IGF1R: variants seen among roughly 807,000 people sequenced by gnomAD.
IGF1R encodes the protein insulin like growth factor 1 receptor.
IGF1R carries 44 observed loss-of-function variants against 144.6 expected under a neutral mutation model. That is an observed-to-expected ratio of 0.30 (90% CI 0.24 to 0.39). The LOEUF (loss-of-function observed/expected upper bound fraction) is 0.39. IGF1R is among the 10% of genes least tolerant of loss of function. The pLI is 1.00. For missense variants in IGF1R, 1,355 were observed against 1,833.7 expected (o/e 0.74, Z 4.77); for synonymous variants, 795 against 722.8 (o/e 1.10, Z -1.60).
Position 98,771,462 on chromosome 15 carries a change from T to C in IGF1R, c.640+63355T>C, listed in dbSNP as rs140562318. ...GTGCAGATATGTGTGCTTACACATGTGGACGTATTTGAGGAGGTAAGAGGG... is the reference window on the plus strand; with the variant it reads ...GTGCAGATATGTGTGCTTACACATGCGGACGTATTTGAGGAGGTAAGAGGG... On this transcript the variant is annotated intron_variant, in intron 2 of 20. Transcript: ENST00000650285. 1.6e-3 allele frequency among the ~76,000 whole-genome samples: 245 copies of C among 152,312 alleles called. 4 individuals are homozygous for C. Among genetic ancestry groups the C allele is most frequent in the African/African-American group, 5.5e-3 (229 of 41,560 alleles).
At chr15:98,894,607 A>C (rs979691819) in intron 3 of IGF1R, among the ~76,000 whole-genome samples, 2 of 152,244 alleles carry the variant, frequency 1.3e-5, no homozygotes, top group Non-Finnish European at 1.5e-5. Context: ...CAACATCCTC[A>C]AAATGACAGA....
rs2013919722 is a variant in IGF1R at position 98,891,566 on chromosome 15, G to C, written c.882G>C (p.Glu294Asp). Residue 294 changes from glutamate to aspartate, a missense_variant, in exon 3 of 21, where the codon GAG (glutamate) becomes GAC (aspartate). Physicochemically the swap from Glu to Asp is conservative, Grantham distance 45. This residue lies in a region of IGF1R where 880 missense variants were observed against 1,202.7 expected (regional missense o/e 0.73). Coordinates refer to ENST00000650285, the MANE Select transcript of IGF1R (RefSeq NM_000875.5). This position sits in a 1 kb window ranked among gnomAD's most constrained non-coding sequence, Gnocchi z 4.7. ...TCAGCGCCGAGAGCAGCGACTCCGAGGGGTTTGTGATCCACGACGGCGAGT... is the reference window on the plus strand; with the variant it reads ...TCAGCGCCGAGAGCAGCGACTCCGACGGGTTTGTGATCCACGACGGCGAGT... ...NILSAESSDS[E>D]GFVIHDGECM... is the part of the protein sequence containing the mutation. 6.2e-7 allele frequency: 1 copy of C among 1,608,716 alleles called. No individual in the cohort carries two copies. The highest frequency in any genetic ancestry group is 8.5e-7 in the Non-Finnish European group (1 of 1,180,008).
chr15:98,885,117 C>A (rs2013574904), intron 2 of IGF1R, among the ~76,000 whole-genome samples: 3 of 152,200 alleles, frequency 2.0e-5, no homozygotes, highest in Admixed American at 2.0e-4. Flanking sequence ...GGCAGGCAGC[C>A]CTAAGCTACC....
intron 2 of IGF1R, among the ~76,000 whole-genome samples, chr15:98,723,000 G>A (rs2054278597): frequency 6.6e-6 from 1 of 151,966 alleles, no homozygotes; most frequent in Non-Finnish European, 1.5e-5. Context: ...CAACACCCAT[G>A]TCATGATTTT....
intron 1 of IGF1R, among the ~76,000 whole-genome samples, chr15:98,691,872 C>T (rs1240642335): frequency 1.3e-5 from 2 of 152,128 alleles, no homozygotes; most frequent in Admixed American, 6.5e-5. Flanking sequence ...AGTCACTGTT[C>T]AGAGGTTATA....
intron 2 of IGF1R, among the ~76,000 whole-genome samples, chr15:98,794,577 A>G (rs990652472): frequency 1.3e-5 from 2 of 152,222 alleles, no homozygotes; most frequent in Admixed American, 1.3e-4. Context: ...AACTGTCTCC[A>G]TTAGGTAAGT....
At chr15:98,826,988 C>T (rs1044777191) in intron 2 of IGF1R, among the ~76,000 whole-genome samples, 6 of 152,202 alleles carry the variant, frequency 3.9e-5, no homozygotes, top group African/African-American at 1.4e-4. Context: ...TCCCACTAAA[C>T]ACTCTCCTTA....
intron 2 of IGF1R, among the ~76,000 whole-genome samples, chr15:98,733,159 TG>T (rs749025254): frequency 7.2e-5 from 11 of 152,156 alleles, no homozygotes; most frequent in Non-Finnish European, 1.3e-4. Context: ...ATCCGAGGAT[TG>T]GGTCTGAAGG....
In IGF1R at chr15:98,959,201, A is replaced by G. The variant is rs953545837; in HGVS notation, c.*1759A>G. 1.7e-5 allele frequency: 4 copies of G among 233,266 alleles called. No homozygotes were observed. Among genetic ancestry groups the G allele is most frequent in the Non-Finnish European group, 3.4e-5 (4 of 117,954 alleles). 14.4% of individuals were successfully genotyped at this position (233,266 alleles called of 1,614,324 possible). On this transcript the variant is annotated 3_prime_UTR_variant, in exon 21 of 21. Transcript: ENST00000650285. ...TGCTTAGGTTGTGACACACATATAT[A>G]TATATTTTTTTAATTCTTGGGTACA...
In IGF1R at chr15:98,958,567, T is replaced by G. The variant is rs1596496253; in HGVS notation, c.*1125T>G. On this transcript the variant is annotated 3_prime_UTR_variant, in exon 21 of 21. Transcript: ENST00000650285. ...AAGCATTCTAAGCTTTGTTGACATT[T>G]TCTCTGTTCCTAGGACTTCTTCATG... 1 of 232,982 alleles carries G rather than the reference T, an allele frequency of 4.3e-6. No homozygotes were observed. Among genetic ancestry groups the G allele is most frequent in the East Asian group, 6.0e-5 (1 of 16,536 alleles). 14.4% of individuals were successfully genotyped at this position (232,982 alleles called of 1,614,324 possible).
At chr15:98,650,284 C>T (rs1357667627) in intron 1 of IGF1R, among the ~76,000 whole-genome samples, 1 of 152,204 alleles carries the variant, frequency 6.6e-6, no homozygotes, top group Non-Finnish European at 1.5e-5. Context: ...CGTGCTTTTG[C>T]CCCTCGGGCT....
At chr15:98,927,355 C>G (rs562126927) in intron 13 of IGF1R, among the ~76,000 whole-genome samples, 5 of 152,324 alleles carry the variant, frequency 3.3e-5, no homozygotes, top group African/African-American at 1.2e-4. Flanking sequence ...TTTAGGAACT[C>G]CTTGTGTGCC....
chr15:98,952,978 C>T (rs540563189), intron 20 of IGF1R: 1 of 152,262 alleles, frequency 6.6e-6, no homozygotes, highest in South Asian at 2.1e-4. Context: ...TACTGATGAG[C>T]TTACCTGAGA....
intron 1 of IGF1R, among the ~76,000 whole-genome samples, chr15:98,696,237 C>T (rs1207838257): frequency 6.6e-6 from 1 of 151,998 alleles, no homozygotes; most frequent in African/African-American, 2.4e-5. Context: ...GTGTATTTGC[C>T]ATTGCTCCTG....
At chr15:98,790,072 C>G (rs1381755016) in intron 2 of IGF1R, among the ~76,000 whole-genome samples, 1 of 152,184 alleles carries the variant, frequency 6.6e-6, no homozygotes, top group Non-Finnish European at 1.5e-5. Context: ...TCAAGTGGCT[C>G]TGTTCCACTT....
At chr15:98,808,829 A>T (rs2056523634) in intron 2 of IGF1R, among the ~76,000 whole-genome samples, 1 of 152,148 alleles carries the variant, frequency 6.6e-6, no homozygotes, top group African/African-American at 2.4e-5. Context: ...ACAGGTGTGC[A>T]CCACCATGTC....
intron 1 of IGF1R, among the ~76,000 whole-genome samples, chr15:98,679,710 A>G (rs2053140536): frequency 6.6e-6 from 1 of 152,160 alleles, no homozygotes; most frequent in Admixed American, 6.5e-5. Flanking sequence ...TACTCCTTAT[A>G]CTTATTAAAC....
At chr15:98,843,082 T>G (rs1044564112) in intron 2 of IGF1R, among the ~76,000 whole-genome samples, 1 of 152,228 alleles carries the variant, frequency 6.6e-6, no homozygotes, top group Non-Finnish European at 1.5e-5. Flanking sequence ...AAGTTGTGCC[T>G]CTTGTTTGCT....
In IGF1R at chr15:98,913,292, C is replaced by CCTGT; in HGVS notation, c.1828+12_1828+13insGTCT. The CCTGT allele has an allele frequency of 6.3e-7, 1 of 1,596,740 alleles. No homozygotes were observed. The highest frequency in any genetic ancestry group is 1.1e-5 in the South Asian group (1 of 90,742). On this transcript the variant is annotated intron_variant, in intron 8 of 20. Coordinates refer to ENST00000650285, the MANE Select transcript of IGF1R (RefSeq NM_000875.5). ...CGCACCAATGCTTCAGGTATCCATGCCTAGACAAGCCCCCAGCATCCACAC... is the reference window on the plus strand; with the variant it reads ...CGCACCAATGCTTCAGGTATCCATGCCTGTCTAGACAAGCCCCCAGCATCCACAC...
Sources: gnomAD v4.1 joint callset for allele counts (sites outside exome capture counted in the v4.1 genomes callset) on GRCh38, gnomAD v4.1.1 for gene constraint, gnomAD v4.1.1 regional missense constraint, Gnocchi (gnomAD v3.1) non-coding constraint, MANE v1.5 for transcripts, NCBI Gene and HGNC (gene_info 2026-07-23, HGNC 2026-07-21) for gene names.